The following ADCY2 variants were observed in gnomAD, a reference collection of about 807,000 sequenced individuals.
ADCY2 encodes adenylate cyclase 2.
ADCY2 carries 31 observed loss-of-function variants against 125.2 expected under a neutral mutation model. That is an observed-to-expected ratio of 0.25 (90% CI 0.19 to 0.33). The LOEUF is 0.33. ADCY2 is among the 10% of genes least tolerant of loss of function. The pLI is 1.00. For missense variants in ADCY2, 904 were observed against 1,418.2 expected (o/e 0.64, Z 5.82); for synonymous variants, 512 against 548.4 (o/e 0.93, Z 0.93).
chr5:7,589,718 G>T (rs951381514), intron 3 of ADCY2, among the ~76,000 whole-genome samples: 6 of 152,102 alleles, frequency 3.9e-5, no homozygotes, highest in African/African-American at 1.4e-4. Flanking sequence ...TCAAGCATCT[G>T]TGAAGGGTTT....
At chr5:7,729,887 A>G (rs1742046305) in intron 14 of ADCY2, among the ~76,000 whole-genome samples, 1 of 149,950 alleles carries the variant, frequency 6.7e-6, no homozygotes. Context: ...TTAATGTTAT[A>G]TATTTTTGGT....
intron 2 of ADCY2, among the ~76,000 whole-genome samples, chr5:7,418,645 C>CTTTTTTTTTTTTTTTTT (rs1160037097): frequency 1.1e-5 from 1 of 92,504 alleles, no homozygotes; most frequent in Admixed American, 9.5e-5. Flanking sequence ...AGTCTACCTT[C>CTTTTTTTTTTTTTTTTT]TGTTTTTTTT....
At chr5:7,427,971 T>C (rs1438019519) in intron 2 of ADCY2, among the ~76,000 whole-genome samples, 1 of 152,192 alleles carries the variant, frequency 6.6e-6, no homozygotes, top group Non-Finnish European at 1.5e-5. Context: ...TAAAAAATTA[T>C]TAAGCATTTC....
chr5:7,745,780 T>C (rs1223460957), intron 15 of ADCY2, among the ~76,000 whole-genome samples: 1 of 152,244 alleles, frequency 6.6e-6, no homozygotes, highest in Non-Finnish European at 1.5e-5. Context: ...TAGCCATATT[T>C]ATCATTTTCT....
chr5:7,499,643 G>T (rs1743473773), intron 2 of ADCY2, among the ~76,000 whole-genome samples: 1 of 98,614 alleles, frequency 1.0e-5, no homozygotes. Context: ...ACATATATGT[G>T]GGTGGATATA....
At chr5:7,427,657 C>T (rs1740434971) in intron 2 of ADCY2, among the ~76,000 whole-genome samples, 1 of 152,252 alleles carries the variant, frequency 6.6e-6, no homozygotes, top group East Asian at 1.9e-4. Flanking sequence ...ATGATGTCAT[C>T]TTAGCTAATT....
At chr5:7,642,419 A>G (rs989510008) in intron 4 of ADCY2, among the ~76,000 whole-genome samples, 2 of 152,132 alleles carry the variant, frequency 1.3e-5, no homozygotes, top group Non-Finnish European at 2.9e-5. Flanking sequence ...GATTCTGGAT[A>G]CTAGACCTTT....
rs60426818 is a variant in ADCY2, at chr5:7,722,960, C to CAAAAAAAAAAAAAAAAAA, written c.1704-1576_1704-1559dup. ...GGGCAACAAGAGCGAAACTCCATCT[C>CAAAAAAAAAAAAAAAAAA]AAAAAAAAAAAAAAAAAAAAAAAAA... On this transcript the variant is annotated intron_variant, in intron 12 of 24. Coordinates refer to ENST00000338316, the MANE Select transcript of ADCY2 (RefSeq NM_020546.3). 7.5e-4 allele frequency among the ~76,000 whole-genome samples: 39 copies of CAAAAAAAAAAAAAAAAAA among 51,668 alleles called. 1 individual carries two copies. Among genetic ancestry groups the CAAAAAAAAAAAAAAAAAA allele is most frequent in the South Asian group, 9.9e-4 (1 of 1,014 alleles). 33.9% of individuals were successfully genotyped at this position (51,668 alleles called of 152,430 possible). A position where few individuals can be genotyped will look rare whatever the true frequency, so the allele number is the denominator to read the frequency against.
chr5:7,741,249 T>C (rs983840761), intron 14 of ADCY2, among the ~76,000 whole-genome samples: 2 of 152,038 alleles, frequency 1.3e-5, no homozygotes, highest in Admixed American at 6.5e-5. Context: ...AGAACCTGGA[T>C]CAGGAATACA....
intron 1 of ADCY2, among the ~76,000 whole-genome samples, chr5:7,409,995 A>G (rs1261486556): frequency 6.6e-6 from 1 of 152,250 alleles, no homozygotes; most frequent in Non-Finnish European, 1.5e-5. Context: ...GAAAAACTGT[A>G]TCTCCACACA....
At chr5:7,769,319 G>A (rs746406928) in intron 17 of ADCY2, among the ~76,000 whole-genome samples, 26 of 152,154 alleles carry the variant, frequency 1.7e-4, no homozygotes, top group Non-Finnish European at 2.4e-4. Flanking sequence ...ACACGATAAG[G>A]TTATGCTTAA....
intron 7 of ADCY2, among the ~76,000 whole-genome samples, chr5:7,706,500 C>T (rs1053905927): frequency 1.3e-5 from 2 of 152,186 alleles, no homozygotes; most frequent in Non-Finnish European, 2.9e-5. Flanking sequence ...ATAGCCAAAA[C>T]GTTTTGTCAT....
At position 7,603,784 on chromosome 5, in the gene ADCY2, C is replaced by CTTTTTTTTTTTTTTTTTTTTTTT; in HGVS notation, c.571-22380_571-22358dup. Among the ~76,000 whole-genome samples the CTTTTTTTTTTTTTTTTTTTTTTT allele has an allele frequency of 6.7e-3, 419 of 62,840 alleles. 3 individuals carry two copies. The highest frequency in any genetic ancestry group is 8.3e-3 in the East Asian group (14 of 1,678). The allele number at this position is 62,840 out of a possible 152,430, so 41.2% of individuals were successfully genotyped here. A position where few individuals can be genotyped will look rare whatever the true frequency, so the allele number is the denominator to read the frequency against. ...AAAATTCTGGGGTAATGCTCTCTTT[C>CTTTTTTTTTTTTTTTTTTTTTTT]TTTTTTTTTTTTTTTTTTTTTTTTT... On this transcript the variant is annotated intron_variant, in intron 3 of 24. Transcript: ENST00000338316.
At chr5:7,593,090 G>T (rs1190909333) in intron 3 of ADCY2, among the ~76,000 whole-genome samples, 2 of 152,154 alleles carry the variant, frequency 1.3e-5, no homozygotes, top group Non-Finnish European at 2.9e-5. Context: ...TAGCAGGAGG[G>T]AGAGCTGTGG....
At chr5:7,623,355 C>T (rs1399893163) in intron 3 of ADCY2, among the ~76,000 whole-genome samples, 4 of 152,310 alleles carry the variant, frequency 2.6e-5, no homozygotes, top group East Asian at 1.9e-4. Context: ...GCATGGTTTG[C>T]GTTGGCTTCT....
intron 4 of ADCY2, among the ~76,000 whole-genome samples, chr5:7,634,546 A>C (rs1214702268): frequency 1.3e-5 from 2 of 152,244 alleles, no homozygotes; most frequent in East Asian, 3.9e-4. Flanking sequence ...TGATGCACTC[A>C]GAATGCAATG....
At chr5:7,460,015 T>A (rs563165060) in intron 2 of ADCY2, among the ~76,000 whole-genome samples, 8 of 152,032 alleles carry the variant, frequency 5.3e-5, no homozygotes, top group African/African-American at 1.9e-4. Context: ...CTGAATCTCC[T>A]GACCTCGCGA....
At chr5:7,726,180 A>T (rs1162509822) in intron 13 of ADCY2, among the ~76,000 whole-genome samples, 1 of 152,234 alleles carries the variant, frequency 6.6e-6, no homozygotes, top group Non-Finnish European at 1.5e-5. Flanking sequence ...TATTTTCAGG[A>T]GGTTTCAATG....
intron 4 of ADCY2, among the ~76,000 whole-genome samples, chr5:7,666,020 A>G (rs1399377997): frequency 1.3e-5 from 2 of 149,508 alleles, no homozygotes; most frequent in South Asian, 2.1e-4. Flanking sequence ...TTGTATTTTT[A>G]GTAGAGACAG....
Sources: allele counts gnomAD v4.1 joint callset (sites outside exome capture counted in the v4.1 genomes callset), GRCh38; gene constraint gnomAD v4.1.1; transcripts MANE v1.5; gene names NCBI Gene and HGNC (gene_info 2026-07-23, HGNC 2026-07-21).